DNAH2: variants seen among roughly 807,000 people sequenced by gnomAD.
DNAH2 encodes dynein axonemal heavy chain 2.
Under a neutral mutation model 523.5 loss-of-function variants are expected in DNAH2, and 323 were observed. The ratio of observed to expected loss-of-function variants is 0.62; its 90% CI spans 0.56 to 0.68. The LOEUF (loss-of-function observed/expected upper bound fraction) is 0.68. DNAH2 is among the 30% of genes least tolerant of loss of function. DNAH2 has a pLI of 0.00. For missense variants in DNAH2, 4,907 were observed against 5,701.5 expected (o/e 0.86, Z 4.49); for synonymous variants, 2,093 against 2,177.4 (o/e 0.96, Z 1.08).
At position 7,823,575 on chromosome 17, in the gene DNAH2, G is replaced by C. The variant is rs375926522; in HGVS notation, c.11276G>C (p.Arg3759Pro). ...GLMNSFEQYP[R>P]DWHLWYTNAA... ...ATGAACTCCTTTGAGCAGTACCCTC[G>C]TGACTGGCACCTGTGGTATACCAAT... Residue 3759 changes from arginine (R) to proline (P), a missense_variant, in exon 74 of 86, where the codon CGT (arginine) becomes CCT (proline). This residue lies in a region of DNAH2 where 1,851 missense variants were observed against 2,139.4 expected (regional missense o/e 0.87). Transcript: ENST00000572933. 9.9e-6 allele frequency: 16 copies of C among 1,614,034 alleles called. No individual in the cohort carries two copies. The highest frequency in any genetic ancestry group is 6.7e-5 in the Admixed American group (4 of 59,996).
intron 77 of DNAH2, among the ~76,000 whole-genome samples, chr17:7,827,524 C>A (rs1202896121): frequency 6.6e-6 from 1 of 152,008 alleles, no homozygotes; most frequent in Admixed American, 6.6e-5. Context: ...CGGCTCACTG[C>A]AACCTCTGCC....
Position 7,740,979 on chromosome 17 carries a change from A to G in DNAH2, c.1676A>G (p.Asp559Gly). The G allele has an allele frequency of 6.2e-7, 1 of 1,603,348 alleles. No homozygotes were observed. Among genetic ancestry groups the G allele is most frequent in the Non-Finnish European group, 8.5e-7 (1 of 1,171,694 alleles). The change falls in exon 11 of 86, where the codon GAC becomes GGC. Residue 559 changes from aspartate (D) to glycine (G), a missense_variant. Around this residue, in one of 3 missense-constraint regions of DNAH2, gnomAD observed 2,806 missense variants for 3,190.8 expected, o/e 0.88. Coordinates refer to ENST00000572933, the MANE Select transcript of DNAH2 (RefSeq NM_020877.5). Reference protein sequence around the residue: ...RWVHILRRRIDRVMTCLAGAH... With the variant: ...RWVHILRRRIGRVMTCLAGAH... ...GTGCACATCCTCCGGCGTCGCATCG[A>G]CAGAGTCATGACCGTAAGTGCCTGG... is the stretch of plus-strand genomic sequence containing the variant.
At chr17:7,740,629 T>A in intron 10 of DNAH2, 80 bp downstream of exon 10, 1 of 1,582,712 alleles carries the variant, frequency 6.3e-7, no homozygotes. Context: ...CCCTCCTGCC[T>A]CCACGTGTGC....
At position 7,780,900 on chromosome 17, in the gene DNAH2, G is replaced by C. The variant is rs571638949; in HGVS notation, c.6003+118G>C. Reference sequence around the variant, plus strand: ...ATTGGGATTCTCACCTTCCCACCTCGTCCCATCCCCGTGTTGCCCGCTGCT... The same window carrying C: ...ATTGGGATTCTCACCTTCCCACCTCCTCCCATCCCCGTGTTGCCCGCTGCT... On this transcript the variant is annotated intron_variant, in intron 38 of 85. Transcript: ENST00000572933. The surrounding 1 kb of genome is among the most constrained non-coding windows in gnomAD (Gnocchi z 4.4). The C allele has an allele frequency of 3.8e-6, 6 of 1,580,130 alleles. No individual in the cohort carries two copies. The Admixed American group carries it at 5.1e-5, about 13-fold the overall frequency.
Position 7,801,597 on chromosome 17 carries a change from C to G in DNAH2, c.8719C>G (p.Pro2907Ala), listed in dbSNP as rs372304164. 32 of 1,614,058 alleles carry G rather than the reference C, an allele frequency of 2.0e-5. No homozygotes were observed. The highest frequency in any genetic ancestry group is 2.6e-5 in the Non-Finnish European group (31 of 1,180,046). The change falls in exon 57 of 86, where the codon CCA becomes GCA. Residue 2907 changes from proline (P) to alanine (A), a missense_variant. By Grantham distance (27) the Pro-to-Ala change is conservative. This residue lies in a region of DNAH2 where 1,851 missense variants were observed against 2,139.4 expected (regional missense o/e 0.87). Coordinates refer to ENST00000572933, the MANE Select transcript of DNAH2 (RefSeq NM_020877.5). ...DPFRNWIRQYPALVNCTTINW... is the reference protein window; with the variant it reads ...DPFRNWIRQYAALVNCTTINW... The stretch of plus-strand genomic sequence containing the variant: ...TCCCAGGAACTGGATCCGCCAGTAC[C>G]CAGCCTTGGTGAACTGCACAACCAT...
intron 65 of DNAH2, 57 bp downstream of exon 65, chr17:7,817,472 C>A: frequency 6.2e-7 from 1 of 1,613,264 alleles, no homozygotes; most frequent in South Asian, 1.1e-5. Context: ...GGGGGCAGGA[C>A]CTTTGGGAAT....
intron 48 of DNAH2, among the ~76,000 whole-genome samples, chr17:7,793,451 C>CTT (rs1291891782): frequency 1.7e-3 from 93 of 54,156 alleles, no homozygotes; most frequent in Middle Eastern, 7.8e-3. Context: ...CTTTCTTTTT[C>CTT]TTTCTTTCTT....
chr17:7,775,828 C>T (rs770382026), intron 30 of DNAH2, among the ~76,000 whole-genome samples, 196 bp from the exon 31 acceptor site: 7 of 152,134 alleles, frequency 4.6e-5, no homozygotes, highest in South Asian at 2.1e-4. Context: ...TGCTCTGAAC[C>T]GAAATTTCCT....
chr17:7,792,784 A>C lies in DNAH2; in HGVS notation c.7273A>C (p.Ile2425Leu). The stretch of plus-strand genomic sequence containing the variant: ...TCCCGTGGGGACTGGGAAGACCTCC[A>C]TCGCCCAGAGCGTTCTGCAGTCCCT... ...VGPVGTGKTS[I>L]AQSVLQSLPS... is the part of the protein sequence containing the mutation. Residue 2425 changes from isoleucine to leucine, a missense_variant, in exon 47 of 86, where the codon ATC becomes CTC. Physicochemically the swap from Ile to Leu is conservative, Grantham distance 5 (BLOSUM62 2). Coordinates refer to ENST00000572933, the MANE Select transcript of DNAH2 (RefSeq NM_020877.5). 1 of 1,614,214 alleles carries C rather than the reference A, an allele frequency of 6.2e-7. No individual in the cohort carries two copies. The highest frequency in any genetic ancestry group is 8.5e-7 in the Non-Finnish European group (1 of 1,180,032).
intron 9 of DNAH2, 78 bp from the exon 10 acceptor site, chr17:7,740,342 C>T: frequency 6.3e-7 from 1 of 1,587,666 alleles, no homozygotes; most frequent in Non-Finnish European, 8.6e-7. Context: ...CTCAGCAATG[C>T]ATGGGATTCT....
intron 15 of DNAH2, 105 bp downstream of exon 15, chr17:7,759,229 T>C: frequency 6.6e-7 from 1 of 1,515,448 alleles, no homozygotes; most frequent in South Asian, 1.3e-5. Flanking sequence ...TTTACCAGTG[T>C]GTACTTCTCA....
At chr17:7,765,324 T>G in intron 20 of DNAH2, 67 bp from the exon 21 acceptor site, 1 of 1,419,140 alleles carries the variant, frequency 7.0e-7, no homozygotes. Context: ...CTGCTCCTGG[T>G]CATCCTCCAC....
At chr17:7,799,786 C>T (rs2077172274) in intron 56 of DNAH2, among the ~76,000 whole-genome samples, 1 of 152,146 alleles carries the variant, frequency 6.6e-6, no homozygotes, top group Non-Finnish European at 1.5e-5. Context: ...CCACTACACT[C>T]CAGCTTGGGT....
At chr17:7,793,443 TTCTTTTTCTTTC>T (rs2076956305) in intron 48 of DNAH2, among the ~76,000 whole-genome samples, 1 of 73,344 alleles carries the variant, frequency 1.4e-5, no homozygotes, top group Non-Finnish European at 3.1e-5. Flanking sequence ...TTTTCTTTCT[TTCTTTTTCTTTC>T]TTTCTTTCTT....
chr17:7,794,326 C>G lies in DNAH2; in HGVS notation c.7642C>G (p.Arg2548Gly). The change falls in exon 49 of 86, where the codon CGC (arginine) becomes GGC (glycine). Residue 2548 changes from arginine (R) to glycine (G), a missense_variant. Coordinates refer to ENST00000572933, the MANE Select transcript of DNAH2 (RefSeq NM_020877.5). ...RTVISPRLRS[R>G]FNIINMTFPT... ...TGTCATCTCCCCAAGGCTACGGAGTCGCTTCAACATTATCAACATGACCTT... is the reference window on the plus strand; with the variant it reads ...TGTCATCTCCCCAAGGCTACGGAGTGGCTTCAACATTATCAACATGACCTT... The G allele has an allele frequency of 6.2e-7, 1 of 1,610,008 alleles. No individual in the cohort carries two copies. The highest frequency in any genetic ancestry group is 8.5e-7 in the Non-Finnish European group (1 of 1,178,350).
chr17:7,816,501 T>A (rs1597752578), intron 63 of DNAH2, 70 bp from the exon 64 acceptor site: 1 of 1,566,170 alleles, frequency 6.4e-7, no homozygotes, highest in East Asian at 2.3e-5. Flanking sequence ...AATGGCAGAG[T>A]CATGATGTGA....
intron 77 of DNAH2, 27 bp from the exon 78 acceptor site, chr17:7,830,273 C>T (rs1402593298): frequency 1.2e-6 from 2 of 1,601,570 alleles, no homozygotes; most frequent in East Asian, 4.5e-5. Flanking sequence ...TGCATGTCAC[C>T]CCATCTTTAT....
rs781303427 is a variant in DNAH2, at chr17:7,777,144, GAAAGA to G, written c.5058+274_5058+278del. Among the ~76,000 whole-genome samples, 20 of 149,558 alleles carry G rather than the reference GAAAGA, an allele frequency of 1.3e-4. No individual in the cohort carries two copies. In the South Asian group the frequency reaches 1.9e-3, roughly 14 times the overall value. The stretch of plus-strand genomic sequence containing the variant: ...ACTCTGTCTCAAAAAAAAAAAAAAA[GAAAGA>G]AAAGAAAAGAAAAGAAAAAAGTAGG... On this transcript the variant is annotated intron_variant, in intron 32 of 85. Transcript: ENST00000572933.
rs2074702907 is a variant in DNAH2 at position 7,723,636 on chromosome 17, T to C, written c.175T>C (p.Leu59=). Residue 59 remains leucine, a synonymous_variant, in exon 3 of 86, where the codon TTG becomes CTG. Coordinates refer to ENST00000572933, the MANE Select transcript of DNAH2 (RefSeq NM_020877.5). ...ELPKEEPEPR[L]EGPQAQSEES... ...ATGTTTATTCTTCCTAGAGCCACGG[T>C]TGGAGGGACCTCAAGCACAGAGTGA... is the stretch of plus-strand genomic sequence containing the variant. 6.2e-7 allele frequency: 1 copy of C among 1,613,976 alleles called. No homozygotes were observed. The highest frequency in any genetic ancestry group is 1.3e-5 in the African/African-American group (1 of 75,024).
Sources: allele counts gnomAD v4.1 joint callset (sites outside exome capture counted in the v4.1 genomes callset), GRCh38; gene constraint gnomAD v4.1.1; regional missense constraint gnomAD v4.1.1; non-coding constraint Gnocchi (gnomAD v3.1); transcripts MANE v1.5; gene names NCBI Gene and HGNC (gene_info 2026-07-23, HGNC 2026-07-21).